The following GUCY1A2 variants were observed in gnomAD, a reference collection of about 807,000 sequenced individuals.
GUCY1A2 encodes guanylate cyclase soluble subunit alpha-2.
A neutral mutation model predicts 63.5 loss-of-function variants in GUCY1A2; 27 were observed. The observed-to-expected ratio is 0.43, with a 90% CI of 0.31 to 0.59. The LOEUF is 0.59. GUCY1A2 is among the 20% of genes least tolerant of loss of function. The pLI, the probability that GUCY1A2 is intolerant of heterozygous loss-of-function variation, is 0.11. For synonymous variants in GUCY1A2, 364 were observed against 343.5 expected (o/e 1.06, Z -0.66); for missense variants, 768 against 913.3 (o/e 0.84, Z 2.05).
chr11:106,899,989 G>A (rs1192741109), intron 4 of GUCY1A2, among the ~76,000 whole-genome samples: 1 of 151,652 alleles, frequency 6.6e-6, no homozygotes, highest in African/African-American at 2.4e-5. Context: ...GGGAGGCTGA[G>A]GCAGGAGAAT....
chr11:106,845,962 A>T (rs1347298067), intron 4 of GUCY1A2, among the ~76,000 whole-genome samples: 1 of 151,662 alleles, frequency 6.6e-6, no homozygotes, highest in East Asian at 1.9e-4. Context: ...AATAGGATAA[A>T]CTACTATTTT....
At chr11:106,873,219 G>T (rs915848423) in intron 4 of GUCY1A2, among the ~76,000 whole-genome samples, 6 of 152,114 alleles carry the variant, frequency 3.9e-5, no homozygotes, top group Non-Finnish European at 4.4e-5. Flanking sequence ...AAATAGTGCT[G>T]CAATAAACAT....
At chr11:106,841,382 A>G (rs907425105) in intron 4 of GUCY1A2, among the ~76,000 whole-genome samples, 4 of 151,928 alleles carry the variant, frequency 2.6e-5, no homozygotes, top group African/African-American at 4.8e-5. Context: ...TGAAATGTAT[A>G]ATTAAAGTCC....
intron 6 of GUCY1A2, among the ~76,000 whole-genome samples, chr11:106,771,808 A>C (rs947229961): frequency 6.6e-6 from 1 of 152,190 alleles, no homozygotes; most frequent in African/African-American, 2.4e-5. Flanking sequence ...AAAAGGAAAC[A>C]GTCATAATGC....
intron 2 of GUCY1A2, among the ~76,000 whole-genome samples, chr11:106,984,707 C>T (rs1221491329): frequency 4.6e-5 from 7 of 152,086 alleles, no homozygotes; most frequent in African/African-American, 4.8e-5. Flanking sequence ...TCACCACATA[C>T]GAGGAACTAT....
chr11:106,907,583 G>A (rs1860229901), intron 4 of GUCY1A2, among the ~76,000 whole-genome samples: 1 of 151,624 alleles, frequency 6.6e-6, no homozygotes, highest in African/African-American at 2.4e-5. Context: ...AGTCCCCAGA[G>A]TGTGATGTTC....
intron 4 of GUCY1A2, among the ~76,000 whole-genome samples, chr11:106,866,951 C>T (rs993708912): frequency 6.6e-6 from 1 of 151,988 alleles, no homozygotes; most frequent in African/African-American, 2.4e-5. Context: ...TAGCTGCCCA[C>T]CAAATTTCCA....
intron 6 of GUCY1A2, among the ~76,000 whole-genome samples, chr11:106,768,322 A>G (rs1423750163): frequency 1.4e-5 from 2 of 147,178 alleles, no homozygotes; most frequent in Admixed American, 7.0e-5. Flanking sequence ...TAATTTAAAA[A>G]CAAATTATTT....
intron 6 of GUCY1A2, among the ~76,000 whole-genome samples, chr11:106,754,390 A>G (rs1265222017): frequency 1.3e-5 from 2 of 152,116 alleles, no homozygotes; most frequent in Non-Finnish European, 2.9e-5. Flanking sequence ...TTCCAATACT[A>G]TATTGAATAG....
chr11:106,987,880 AGAAC>A (rs1332993552), intron 1 of GUCY1A2, among the ~76,000 whole-genome samples: 2 of 152,192 alleles, frequency 1.3e-5, no homozygotes, highest in Non-Finnish European at 1.5e-5. Context: ...ACCACGTAGG[AGAAC>A]CCTTTCACCA....
chr11:106,969,787 A>G (rs1343400552), intron 3 of GUCY1A2, among the ~76,000 whole-genome samples: 2 of 152,186 alleles, frequency 1.3e-5, no homozygotes, highest in Non-Finnish European at 2.9e-5. Context: ...TGAGGGGTCA[A>G]TAAGTAATGT....
intron 4 of GUCY1A2, among the ~76,000 whole-genome samples, chr11:106,812,910 T>C (rs1330948708): frequency 6.6e-6 from 1 of 152,048 alleles, no homozygotes; most frequent in African/African-American, 2.4e-5. Context: ...GAACTTTTTA[T>C]TTAATAAATG....
At chr11:106,863,393 G>T (rs12576423) in intron 4 of GUCY1A2, among the ~76,000 whole-genome samples, 5,802 of 152,052 alleles carry the variant, frequency 0.038, 580 homozygotes, top group East Asian at 0.25. Flanking sequence ...TATTAAATAG[G>T]GAATCCTTTT....
At chr11:106,754,332 C>T (rs1222177511) in intron 6 of GUCY1A2, among the ~76,000 whole-genome samples, 1 of 152,062 alleles carries the variant, frequency 6.6e-6, no homozygotes, top group African/African-American at 2.4e-5. Flanking sequence ...CTCTTCCTAA[C>T]TGATTACTCT....
At chr11:106,844,659 C>T (rs1346673507) in intron 4 of GUCY1A2, among the ~76,000 whole-genome samples, 5 of 151,714 alleles carry the variant, frequency 3.3e-5, no homozygotes, top group African/African-American at 1.2e-4. Flanking sequence ...AAAGCAGAAA[C>T]ATAAAAACCA....
At chr11:106,814,109 T>C (rs1017449048) in intron 4 of GUCY1A2, among the ~76,000 whole-genome samples, 4 of 152,076 alleles carry the variant, frequency 2.6e-5, no homozygotes, top group Non-Finnish European at 5.9e-5. Context: ...ATCAATGTGA[T>C]GGCAAAACAA....
At chr11:106,826,396 T>C (rs1591292368) in intron 4 of GUCY1A2, 3 of 1,545,388 alleles carry the variant, frequency 1.9e-6, no homozygotes, top group Admixed American at 3.6e-5. Flanking sequence ...CCATTTTTAG[T>C]CAAAATAATC....
chr11:106,925,780 T>C (rs571682074), intron 4 of GUCY1A2, among the ~76,000 whole-genome samples: 1 of 152,296 alleles, frequency 6.6e-6, no homozygotes, highest in Admixed American at 6.5e-5. Context: ...CTAAAAATAG[T>C]GTCTTAGTCA....
chr11:106,820,798 A>G (rs1858891566), intron 4 of GUCY1A2, among the ~76,000 whole-genome samples: 1 of 152,176 alleles, frequency 6.6e-6, no homozygotes, highest in Admixed American at 6.5e-5. Context: ...GGGGATATTA[A>G]CTCAAGGCTA....
Sources: allele counts gnomAD v4.1 joint callset (sites outside exome capture counted in the v4.1 genomes callset), GRCh38; gene constraint gnomAD v4.1.1; transcripts MANE v1.5; gene names NCBI Gene and HGNC (gene_info 2026-07-23, HGNC 2026-07-21).